ANKS1B: variants seen among roughly 807,000 people sequenced by gnomAD.
ANKS1B encodes ankyrin repeat and sterile alpha motif domain-containing protein 1B.
A neutral mutation model predicts 148.3 loss-of-function variants in ANKS1B; 36 were observed. That is an observed-to-expected ratio of 0.24 (90% confidence interval 0.19 to 0.32). The LOEUF is 0.32. Among genes scored for constraint, ANKS1B ranks in the 10% least tolerant of loss-of-function variants. The pLI is 1.00. For missense variants in ANKS1B, 1,157 were observed against 1,542.6 expected, an observed-to-expected ratio of 0.75 and a Z score of 4.19; for synonymous variants, 542 against 560.8, an observed-to-expected ratio of 0.97 and a Z score of 0.47.
chr12:99,543,399 G>A (rs993770141), intron 9 of ANKS1B, among the ~76,000 whole-genome samples: 4 of 152,088 alleles, frequency 2.6e-5, no homozygotes, highest in Admixed American at 2.6e-4. Flanking sequence ...AACCACTTTG[G>A]AAAATAGTTC....
At chr12:99,332,528 T>C (rs2087771664) in intron 12 of ANKS1B, among the ~76,000 whole-genome samples, 1 of 151,840 alleles carries the variant, frequency 6.6e-6, no homozygotes, top group Non-Finnish European at 1.5e-5. Context: ...ATCATAGATA[T>C]GTTAGGAAAT....
intron 9 of ANKS1B, among the ~76,000 whole-genome samples, chr12:99,652,228 TTTGGGAAG>T (rs749652434): frequency 3.3e-5 from 5 of 152,026 alleles, no homozygotes; most frequent in Non-Finnish European, 7.4e-5. Context: ...ATACCAGCAC[TTTGGGAAG>T]CCGAGGCGGG....
intron 1 of ANKS1B, among the ~76,000 whole-genome samples, chr12:99,837,617 A>C (rs1470731162): frequency 6.6e-6 from 1 of 152,174 alleles, no homozygotes; most frequent in Non-Finnish European, 1.5e-5. Flanking sequence ...TAAATGAAGA[A>C]CTGAAGAGCA....
chr12:98,820,064 G>A (rs922816166), intron 19 of ANKS1B, among the ~76,000 whole-genome samples: 1 of 152,150 alleles, frequency 6.6e-6, no homozygotes, highest in African/African-American at 2.4e-5. Context: ...ATTTACATAA[G>A]GTATTAGATA....
chr12:98,993,011 G>A (rs1470678057), intron 17 of ANKS1B, among the ~76,000 whole-genome samples: 1 of 152,012 alleles, frequency 6.6e-6, no homozygotes, highest in Non-Finnish European at 1.5e-5. Flanking sequence ...TTGAAGCCTT[G>A]GGCCTACTTA....
chr12:99,530,482 ACT>A (rs2096976932), intron 9 of ANKS1B, among the ~76,000 whole-genome samples: 1 of 152,022 alleles, frequency 6.6e-6, no homozygotes, highest in African/African-American at 2.4e-5. Flanking sequence ...CTTATCCATA[ACT>A]CTCCACGTGA....
At chr12:99,810,214 G>A (rs990298742) in intron 3 of ANKS1B, among the ~76,000 whole-genome samples, 2 of 151,988 alleles carry the variant, frequency 1.3e-5, no homozygotes, top group African/African-American at 4.8e-5. Flanking sequence ...TAAAATGCGA[G>A]TGATATTATC....
At chr12:99,106,141 T>A (rs1283440352) in intron 15 of ANKS1B, among the ~76,000 whole-genome samples, 4 of 152,224 alleles carry the variant, frequency 2.6e-5, no homozygotes, top group Non-Finnish European at 4.4e-5. Context: ...ATTGGTACTA[T>A]CTGAGGACGA....
At chr12:99,141,192 T>C (rs1430044519) in intron 15 of ANKS1B, among the ~76,000 whole-genome samples, 1 of 152,134 alleles carries the variant, frequency 6.6e-6, no homozygotes, top group Non-Finnish European at 1.5e-5. Context: ...TTTTAAAAAA[T>C]TCTTCCCTTT....
At chr12:99,863,320 C>T (rs763342281) in intron 1 of ANKS1B, among the ~76,000 whole-genome samples, 3 of 152,142 alleles carry the variant, frequency 2.0e-5, no homozygotes, top group Non-Finnish European at 4.4e-5. Context: ...AAAACTCCAC[C>T]ACTTGACTTT....
chr12:98,779,953 T>A (rs1238808551), intron 24 of ANKS1B, among the ~76,000 whole-genome samples: 3 of 152,338 alleles, frequency 2.0e-5, no homozygotes, highest in African/African-American at 7.2e-5. Context: ...ACCGGGAGGT[T>A]GTTTTCCCAA....
chr12:98,921,101 C>A (rs1298921038), intron 17 of ANKS1B, among the ~76,000 whole-genome samples: 1 of 152,092 alleles, frequency 6.6e-6, no homozygotes, highest in Non-Finnish European at 1.5e-5. Context: ...TCCCTGTCAT[C>A]CTTTCTTCCC....
At chr12:98,798,113 T>C (rs6538887) in intron 22 of ANKS1B, among the ~76,000 whole-genome samples, 7,550 of 142,098 alleles carry the variant, frequency 0.053, 584 homozygotes, top group African/African-American at 0.17. Flanking sequence ...CACAGATATT[T>C]GGAATTGCCA....
rs564302146 is a variant in ANKS1B, at chr12:99,558,785, C to T, written c.1273-54144G>A. Among the ~76,000 whole-genome samples, 4 of 152,294 alleles carry T rather than the reference C, an allele frequency of 2.6e-5. No homozygotes were observed. The East Asian group carries it at 7.7e-4, about 30-fold the overall frequency. On this transcript the variant is annotated intron_variant, in intron 9 of 26. Coordinates refer to ENST00000683438, the MANE Select transcript of ANKS1B (RefSeq NM_001352186.2). ...CTGCTCTATCCAGGTCTAACAGTTG[C>T]CCAAAAGCTAAAGCCTCCTGGAGGA...
intron 17 of ANKS1B, among the ~76,000 whole-genome samples, chr12:98,853,623 G>A (rs1271529401): frequency 1.3e-5 from 2 of 152,180 alleles, no homozygotes; most frequent in East Asian, 1.9e-4. Context: ...GCTGGGAGAG[G>A]CCTCCTGTGA....
At chr12:99,164,563 T>G (rs946751651) in intron 14 of ANKS1B, among the ~76,000 whole-genome samples, 10 of 152,100 alleles carry the variant, frequency 6.6e-5, no homozygotes, top group Non-Finnish European at 1.3e-4. Context: ...TGATCAGATA[T>G]ATACTTTTCT....
At chr12:98,966,944 C>G (rs1413029229) in intron 17 of ANKS1B, among the ~76,000 whole-genome samples, 1 of 151,652 alleles carries the variant, frequency 6.6e-6, no homozygotes, top group Admixed American at 6.6e-5. Flanking sequence ...ATGTAAATGA[C>G]GAGTAAATGG....
chr12:98,853,895 G>C (rs1047201480), intron 17 of ANKS1B, among the ~76,000 whole-genome samples: 1 of 152,108 alleles, frequency 6.6e-6, no homozygotes, highest in Non-Finnish European at 1.5e-5. Flanking sequence ...TGAGATGGTG[G>C]GACAACCGAC....
rs1602379706 is a variant in ANKS1B, at chr12:99,281,607, T to C, written c.1757-34743A>G. On this transcript the variant is annotated intron_variant, in intron 12 of 26. Coordinates refer to ENST00000683438, the MANE Select transcript of ANKS1B (RefSeq NM_001352186.2). ...TAATTAGCAAGCACCAGCATACTTT[T>C]ATTATTTTTTTCTGGCTATACAAAC... 2.0e-5 allele frequency among the ~76,000 whole-genome samples: 3 copies of C among 152,210 alleles called. No homozygotes were observed. In the South Asian group the frequency reaches 6.2e-4, roughly 31 times the overall value.
Sources: allele counts gnomAD v4.1 joint callset (sites outside exome capture counted in the v4.1 genomes callset), GRCh38; gene constraint gnomAD v4.1.1; transcripts MANE v1.5; gene names NCBI Gene and HGNC (gene_info 2026-07-23, HGNC 2026-07-21).